Variants in LITAF observed in about 807,000 individuals in gnomAD.
LITAF encodes the protein lipopolysaccharide-induced tumor necrosis factor-alpha factor.
Under a neutral mutation model 14.5 loss-of-function variants are expected in LITAF, and 9 were observed. The ratio of observed to expected loss-of-function variants is 0.62; its 90% confidence interval spans 0.37 to 1.08. The LOEUF is 1.08. Among genes scored for constraint, LITAF ranks in the 50% least tolerant of loss-of-function variants. The pLI, the probability that LITAF is intolerant of heterozygous loss-of-function variation, is 0.01. For missense variants in LITAF, 206 were observed against 213.4 expected, an observed-to-expected ratio of 0.97 and a Z score of 0.22; for synonymous variants, 98 against 88.2, an observed-to-expected ratio of 1.11 and a Z score of -0.62.
At chr16:11,623,531 A>G (rs2065064018) in intron 3 of LITAF, among the ~76,000 whole-genome samples, 1 of 151,766 alleles carries the variant, frequency 6.6e-6, no homozygotes, top group South Asian at 2.1e-4. Flanking sequence ...AAGGTGGCGC[A>G]TGACTGTAGT....
At chr16:11,588,870 T>TCCTTCCTC (rs548120210), upstream of LITAF, among the ~76,000 whole-genome samples, 6 of 151,680 alleles carry the variant, frequency 4.0e-5, no homozygotes, top group African/African-American at 1.5e-4. Flanking sequence ...CTTCCTTCCT[T>TCCTTCCTC]CCTTCCTCCC....
chr16:11,584,681 C>G (rs2064782940), intron 1 of LITAF, among the ~76,000 whole-genome samples: 2 of 152,114 alleles, frequency 1.3e-5, no homozygotes, highest in African/African-American at 2.4e-5. Context: ...GTTCTCAAGC[C>G]CTTTCTGGAG....
chr16:11,633,218 G>A (rs1489601835), intron 3 of LITAF, among the ~76,000 whole-genome samples: 2 of 152,208 alleles, frequency 1.3e-5, no homozygotes, highest in African/African-American at 4.8e-5. Flanking sequence ...GAACAGGGAA[G>A]TGGCCCAGCC....
chr16:11,609,235 TCTCA>T (rs1434162338), intron 3 of LITAF, among the ~76,000 whole-genome samples: 3 of 147,830 alleles, frequency 2.0e-5, no homozygotes, highest in Admixed American at 6.9e-5. Flanking sequence ...TAATACGGAG[TCTCA>T]CTCACTCTGT....
chr16:11,553,423 C>T lies in LITAF; in HGVS notation c.377+110G>A. On this transcript the variant is annotated intron_variant, in intron 3 of 3. Transcript: ENST00000622633. This position sits in a 1 kb window ranked among gnomAD's most constrained non-coding sequence, Gnocchi z 7.7. ...CAGATTCCATCTCAAAAAAAAACAA[C>T]ACAAATGTCTGGCCCTGAATGTCAA... 3.3e-6 allele frequency: 4 copies of T among 1,222,324 alleles called. No individual in the cohort carries two copies. The highest frequency in any genetic ancestry group is 4.7e-6 in the Non-Finnish European group (4 of 858,344). 75.7% of individuals were successfully genotyped at this position (1,222,324 alleles called of 1,614,324 possible). A position where few individuals can be genotyped will look rare whatever the true frequency, so the allele number is the denominator to read the frequency against.
rs183418916 is a variant in LITAF at position 11,605,972 on chromosome 16, G to A, written c.85+27561C>T. On this transcript the variant is annotated intron_variant, in intron 3 of 3. Transcript: ENST00000574848. This position sits in a 1 kb window ranked among gnomAD's most constrained non-coding sequence, Gnocchi z 4.7. ...GGAGCCCCCATTCTTCCTTCAAAGT[G>A]TTGCACACACAGGATATGTGATCAT... Among the ~76,000 whole-genome samples the A allele has an allele frequency of 6.8e-4, 103 of 152,246 alleles. No homozygotes were observed. The highest frequency in any genetic ancestry group is 1.0e-3 in the Non-Finnish European group (71 of 68,012).
At chr16:11,588,667 G>C (rs1251295843), upstream of LITAF, among the ~76,000 whole-genome samples, 1 of 152,130 alleles carries the variant, frequency 6.6e-6, no homozygotes, top group Non-Finnish European at 1.5e-5. Flanking sequence ...TCCATTCTCA[G>C]GATGCAACCA....
intron 3 of LITAF, among the ~76,000 whole-genome samples, chr16:11,603,647 C>T (rs2064939869): frequency 1.3e-5 from 2 of 152,302 alleles, no homozygotes; most frequent in South Asian, 2.1e-4. Context: ...TCGGAAAATC[C>T]GCAGCCCCCA....
chr16:11,633,595 C>G (rs750647933), exon 3 of LITAF: 7 of 152,154 alleles, frequency 4.6e-5, no homozygotes. Context: ...CCCACCAGCA[C>G]CATGACAGTT....
At chr16:11,613,873 G>A (rs373708501) in intron 3 of LITAF, among the ~76,000 whole-genome samples, 8 of 152,214 alleles carry the variant, frequency 5.3e-5, no homozygotes, top group African/African-American at 1.4e-4. Context: ...ATGACCGGGC[G>A]GGCCACTTCT....
Position 11,605,388 on chromosome 16 carries a change from C to T in LITAF, c.85+28145G>A, listed in dbSNP as rs865933689. On this transcript the variant is annotated intron_variant, in intron 3 of 3. Transcript: ENST00000574848. The surrounding 1 kb of genome is among the most constrained non-coding windows in gnomAD (Gnocchi z 4.7). ...CCCAGGCGGGATCCTGTGCACCTCC[C>T]GGAGGACTGGGAAGAGGGAAAGGAG... is the stretch of plus-strand genomic sequence containing the variant. Among the ~76,000 whole-genome samples the T allele has an allele frequency of 2.8e-4, 43 of 152,212 alleles. No homozygotes were observed. Among genetic ancestry groups the T allele is most frequent in the African/African-American group, 9.6e-4 (40 of 41,548 alleles).
chr16:11,584,972 C>T (rs1368314159), intron 1 of LITAF, among the ~76,000 whole-genome samples: 3 of 152,106 alleles, frequency 2.0e-5, no homozygotes, highest in African/African-American at 4.8e-5. Context: ...TTTTGGGAGG[C>T]CAAGGCAGGT....
At chr16:11,598,293 T>TC (rs2064904634) in intron 1 of LITAF, 1 of 151,106 alleles carries the variant, frequency 6.6e-6, no homozygotes, top group South Asian at 2.1e-4. Context: ...GAGCCTTTTT[T>TC]TTTTTTTTGC....
chr16:11,596,302 G>A (rs149628766), intron 1 of LITAF, among the ~76,000 whole-genome samples: 2 of 152,076 alleles, frequency 1.3e-5, no homozygotes, highest in Non-Finnish European at 2.9e-5. Flanking sequence ...CAGGAAGAGC[G>A]TGTTCTCAGG....
At chr16:11,578,414 CCAGCTACT>C (rs1438895824) in intron 1 of LITAF, among the ~76,000 whole-genome samples, 1 of 152,050 alleles carries the variant, frequency 6.6e-6, no homozygotes, top group African/African-American at 2.4e-5. Flanking sequence ...GCCTGTAATC[CCAGCTACT>C]CAGGAGGCTG....
chr16:11,568,068 G>A lies in LITAF; in HGVS notation c.-5-11333C>T, dbSNP rs1488795386. On this transcript the variant is annotated intron_variant, in intron 1 of 3. Transcript: ENST00000622633. ...TTTGGAAGCCCAAGGCGGGAGGATGGCATGAGCCCAGGAGTTCGAGACCAG... is the reference window on the plus strand; with the variant it reads ...TTTGGAAGCCCAAGGCGGGAGGATGACATGAGCCCAGGAGTTCGAGACCAG... Among the ~76,000 whole-genome samples, 3 of 152,100 alleles carry A rather than the reference G, an allele frequency of 2.0e-5. No homozygotes were observed. In the East Asian group the frequency reaches 5.8e-4, roughly 29 times the overall value.
rs534383517 is a variant in LITAF at position 11,594,728 on chromosome 16, T to C, written c.-6+3660A>G. On this transcript the variant is annotated intron_variant, in intron 1 of 3. Coordinates refer to the LITAF transcript ENST00000571627. ...CTGTCTCTACTAAAAATACAAAAAT[T>C]AGCCGGGCATGGTGGCTCGTGCCTG... 2.6e-3 allele frequency among the ~76,000 whole-genome samples: 391 copies of C among 151,842 alleles called. 3 individuals are homozygous for C. Among genetic ancestry groups the C allele is most frequent in the Admixed American group, 2.8e-3 (42 of 15,236 alleles).
chr16:11,557,474 G>T (rs560896249), intron 1 of LITAF, among the ~76,000 whole-genome samples: 1 of 151,620 alleles, frequency 6.6e-6, no homozygotes, highest in Non-Finnish European at 1.5e-5. Flanking sequence ...TTATTTTTTT[G>T]AGACAAGATC....
chr16:11,620,231 G>A (rs1164333179), intron 3 of LITAF, among the ~76,000 whole-genome samples: 1 of 152,050 alleles, frequency 6.6e-6, no homozygotes, highest in Non-Finnish European at 1.5e-5. Context: ...TTGGAGGTGG[G>A]GCCTGGTGGG....
Sources: gnomAD v4.1 joint callset for allele counts (sites outside exome capture counted in the v4.1 genomes callset) on GRCh38, gnomAD v4.1.1 for gene constraint, Gnocchi (gnomAD v3.1) non-coding constraint, MANE v1.5 for transcripts, NCBI Gene and HGNC (gene_info 2026-07-23, HGNC 2026-07-21) for gene names.